SPATS2L: variants seen among roughly 807,000 people sequenced by gnomAD.
SPATS2L encodes SPATS2-like protein.
A neutral mutation model predicts 59.6 loss-of-function variants in SPATS2L; 30 were observed. The ratio of observed to expected loss-of-function variants is 0.50; its 90% confidence interval spans 0.38 to 0.68. The LOEUF is 0.68. SPATS2L is among the 30% of genes least tolerant of loss of function. SPATS2L has a pLI of 0.00. For synonymous variants in SPATS2L, 252 were observed against 263.5 expected (o/e 0.96, Z 0.42); for missense variants, 615 against 700.0 (o/e 0.88, Z 1.37).
intron 3 of SPATS2L, among the ~76,000 whole-genome samples, chr2:200,400,513 T>C (rs2082492162): frequency 6.6e-6 from 1 of 152,238 alleles, no homozygotes; most frequent in African/African-American, 2.4e-5. Context: ...TATGTATATA[T>C]TTAAACTTCC....
chr2:200,405,287 G>A (rs1240483062), intron 3 of SPATS2L, among the ~76,000 whole-genome samples: 1 of 151,874 alleles, frequency 6.6e-6, no homozygotes, highest in Non-Finnish European at 1.5e-5. Context: ...ATGTTTCTAA[G>A]ATCCTCTCCA....
At chr2:200,369,757 A>T (rs1219347542) in intron 2 of SPATS2L, among the ~76,000 whole-genome samples, 1 of 152,160 alleles carries the variant, frequency 6.6e-6, no homozygotes, top group Non-Finnish European at 1.5e-5. Context: ...AATCCTAGTG[A>T]TGTCGAGTTT....
intron 12 of SPATS2L, among the ~76,000 whole-genome samples, chr2:200,476,409 G>T (rs976856220): frequency 6.6e-6 from 1 of 152,078 alleles, no homozygotes; most frequent in African/African-American, 2.4e-5. Flanking sequence ...CTACTTTAGA[G>T]AAGAAAAGTT....
intron 6 of SPATS2L, among the ~76,000 whole-genome samples, chr2:200,427,486 TATAA>T (rs1437584793): frequency 1.2e-4 from 18 of 148,786 alleles, no homozygotes; most frequent in African/African-American, 4.4e-4. Context: ...CATATACATA[TATAA>T]AATATACATG....
upstream of SPATS2L, chr2:200,306,285 T>C (rs569828752): frequency 1.0e-6 from 1 of 1,002,356 alleles, no homozygotes; most frequent in Non-Finnish European, 1.2e-6. Flanking sequence ...CAAAGTTCAT[T>C]TTCTCGGGTA....
At chr2:200,339,138 A>G (rs145789860) in intron 2 of SPATS2L, among the ~76,000 whole-genome samples, 1 of 152,382 alleles carries the variant, frequency 6.6e-6, no homozygotes, top group East Asian at 1.9e-4. Flanking sequence ...TTGACTCGCA[A>G]CAACACATGT....
intron 6 of SPATS2L, among the ~76,000 whole-genome samples, chr2:200,437,465 G>A (rs2084378173): frequency 6.6e-6 from 1 of 152,176 alleles, no homozygotes; most frequent in South Asian, 2.1e-4. Flanking sequence ...TAGAAATGGT[G>A]TTCGGGAAGT....
intron 2 of SPATS2L, among the ~76,000 whole-genome samples, chr2:200,358,566 T>G (rs980306454): frequency 2.0e-5 from 3 of 151,612 alleles, no homozygotes; most frequent in African/African-American, 7.2e-5. Context: ...CAGGAGTTAT[T>G]CACTACATAC....
chr2:200,389,898 C>T (rs966988287), intron 3 of SPATS2L: 29 of 152,470 alleles, frequency 1.9e-4, no homozygotes, highest in East Asian at 1.9e-4. Flanking sequence ...CAGAATCCCT[C>T]ACTTGCCACA....
intron 6 of SPATS2L, among the ~76,000 whole-genome samples, chr2:200,420,437 A>C (rs1363814896): frequency 6.6e-6 from 1 of 152,248 alleles, no homozygotes; most frequent in Non-Finnish European, 1.5e-5. Context: ...TTTGCAATTA[A>C]ATGAAGTAAG....
At chr2:200,373,577 C>G (rs562671169) in intron 2 of SPATS2L, among the ~76,000 whole-genome samples, 43 of 152,284 alleles carry the variant, frequency 2.8e-4, no homozygotes, top group Non-Finnish European at 5.3e-4. Flanking sequence ...GTCTGGTTAT[C>G]TCTTTTTCCA....
rs765492161 is a variant in SPATS2L, at chr2:200,477,803, C to A, written c.1449C>A (p.Asn483Lys). Residue 483 changes from asparagine (N) to lysine (K), a missense_variant, in exon 13 of 13, where the codon AAC becomes AAA. Asn to Lys is a moderately conservative substitution (Grantham distance 94). Transcript: ENST00000409140. ...RQPHNGFRPK[N>K]KGGAKNQEAS... ...CGCACAACGGCTTCCGGCCCAAAAACAAAGGCGGTGCCAAAAATCAAGAGG... is the reference window on the plus strand; with the variant it reads ...CGCACAACGGCTTCCGGCCCAAAAAAAAAGGCGGTGCCAAAAATCAAGAGG... 47 of 1,574,890 alleles carry A rather than the reference C, an allele frequency of 3.0e-5. 1 individual carries two copies. The South Asian group carries it at 5.3e-4, about 18-fold the overall frequency.
At position 200,477,783 on chromosome 2, in the gene SPATS2L, A is replaced by G. The variant is rs760624123; in HGVS notation, c.1429A>G (p.Asn477Asp). The G allele has an allele frequency of 3.8e-6, 6 of 1,578,354 alleles. No homozygotes were observed. Among genetic ancestry groups the G allele is most frequent in the Non-Finnish European group, 5.2e-6 (6 of 1,161,938 alleles). ...CCACGAACACAGAAGACAGCCGCAC[A>G]ACGGCTTCCGGCCCAAAAACAAAGG... The part of the protein sequence containing the change: ...SRHEHRRQPH[N>D]GFRPKNKGGA... The change falls in exon 13 of 13, where the codon AAC becomes GAC. Residue 477 changes from asparagine to aspartate, a missense_variant. Asn to Asp is a conservative substitution (Grantham distance 23). Transcript: ENST00000409140.
chr2:200,372,044 G>C (rs1361762790), intron 2 of SPATS2L: 4 of 984,590 alleles, frequency 4.1e-6, no homozygotes, highest in African/African-American at 1.7e-5. Flanking sequence ...GGAAATAATT[G>C]ACTTCTGAGA....
At chr2:200,335,073 G>C (rs2105805602) in intron 2 of SPATS2L, among the ~76,000 whole-genome samples, 1 of 152,232 alleles carries the variant, frequency 6.6e-6, no homozygotes, top group Admixed American at 6.5e-5. Flanking sequence ...GCTTGATGGG[G>C]ATGGCATTGA....
chr2:200,473,429 A>G (rs994130254), intron 12 of SPATS2L, among the ~76,000 whole-genome samples: 3 of 152,218 alleles, frequency 2.0e-5, no homozygotes, highest in Admixed American at 6.5e-5. Context: ...CTCGGAACCT[A>G]CTAAACTACT....
intron 11 of SPATS2L, 108 bp downstream of exon 11, chr2:200,470,124 G>A (rs777309306): frequency 1.3e-5 from 10 of 783,234 alleles, no homozygotes; most frequent in Non-Finnish European, 1.9e-5. Context: ...GCTAACGTGA[G>A]GTCTAAAGAG....
At chr2:200,427,928 T>A (rs1437777) in intron 6 of SPATS2L, among the ~76,000 whole-genome samples, 2 of 151,906 alleles carry the variant, frequency 1.3e-5, no homozygotes, top group East Asian at 1.9e-4. Context: ...AAAAATTAGC[T>A]GAGCAGGGTA....
chr2:200,327,860 G>GCACA (rs3036483), intron 1 of SPATS2L, among the ~76,000 whole-genome samples: 17,314 of 150,444 alleles, frequency 0.12, 1,029 homozygotes, highest in Non-Finnish European at 0.14. Flanking sequence ...GCGTGTGCGG[G>GCACA]CACACACACA....
Sources: allele counts gnomAD v4.1 joint callset (sites outside exome capture counted in the v4.1 genomes callset), GRCh38; gene constraint gnomAD v4.1.1; transcripts MANE v1.5; gene names NCBI Gene and HGNC (gene_info 2026-07-23, HGNC 2026-07-21).